The following SMAP1 variants were observed in gnomAD, a reference collection of about 807,000 sequenced individuals.
SMAP1 encodes the protein small ArfGAP 1, also known as stromal membrane-associated protein 1.
In SMAP1, 24 loss-of-function variants were observed where a neutral mutation model predicts 58.5. The ratio of observed to expected loss-of-function variants is 0.41; its 90% confidence interval spans 0.30 to 0.58. SMAP1 has a LOEUF of 0.58. Ranked by LOEUF, SMAP1 falls within the 20% of genes least tolerant of loss-of-function variation. The pLI, the probability that SMAP1 is intolerant of heterozygous loss-of-function variation, is 0.29. For missense variants in SMAP1, 563 were observed against 566.3 expected (o/e 0.99, Z 0.06); for synonymous variants, 216 against 196.6 (o/e 1.10, Z -0.82).
intron 1 of SMAP1, among the ~76,000 whole-genome samples, chr6:70,674,054 T>G (rs1487913755): frequency 6.6e-6 from 1 of 152,142 alleles, no homozygotes; most frequent in Non-Finnish European, 1.5e-5. Flanking sequence ...ATGCTCTCTT[T>G]AAGGCAAAGT....
At chr6:70,838,148 TA>T (rs1770671045) in intron 7 of SMAP1, among the ~76,000 whole-genome samples, 1 of 152,176 alleles carries the variant, frequency 6.6e-6, no homozygotes. Context: ...GAAAAGAAAT[TA>T]TTATTAAAGT....
Position 70,806,500 on chromosome 6 carries a change from G to A in SMAP1, c.576+7763G>A, listed in dbSNP as rs116890355. 3.7e-4 allele frequency among the ~76,000 whole-genome samples: 57 copies of A among 152,220 alleles called. No individual in the cohort carries two copies. In the East Asian group the frequency reaches 0.01, roughly 27 times the overall value. On this transcript the variant is annotated intron_variant, in intron 6 of 10. Coordinates refer to ENST00000370455, the MANE Select transcript of SMAP1 (RefSeq NM_001044305.3). Reference sequence around the variant, plus strand: ...CCCGCCCTCCTTCAGCTCACCCTCCGTGGGCTGCACCCACTATCCAACCAG... The same window carrying A: ...CCCGCCCTCCTTCAGCTCACCCTCCATGGGCTGCACCCACTATCCAACCAG...
chr6:70,797,382 T>C (rs1768648390), intron 5 of SMAP1, among the ~76,000 whole-genome samples: 2 of 152,112 alleles, frequency 1.3e-5, no homozygotes, highest in South Asian at 4.1e-4. Flanking sequence ...GTAATGAATA[T>C]TGAAACTCAA....
At chr6:70,785,230 A>G (rs989372117) in intron 4 of SMAP1, among the ~76,000 whole-genome samples, 4 of 152,222 alleles carry the variant, frequency 2.6e-5, no homozygotes, top group Admixed American at 2.0e-4. Context: ...ATGAAGGCAT[A>G]AATAAAGATG....
chr6:70,693,239 A>G (rs1767250146), intron 1 of SMAP1, among the ~76,000 whole-genome samples: 1 of 147,912 alleles, frequency 6.8e-6, no homozygotes, highest in Non-Finnish European at 1.5e-5. Flanking sequence ...TGCCTGGACT[A>G]TTCTGGGTCT....
At chr6:70,702,884 G>C (rs1767691890) in intron 1 of SMAP1, among the ~76,000 whole-genome samples, 1 of 151,976 alleles carries the variant, frequency 6.6e-6, no homozygotes, top group African/African-American at 2.4e-5. Flanking sequence ...CACCTGCTTT[G>C]GCCTTCCAAA....
chr6:70,855,733 C>G (rs1771388977), intron 8 of SMAP1, among the ~76,000 whole-genome samples: 1 of 152,196 alleles, frequency 6.6e-6, no homozygotes, highest in Non-Finnish European at 1.5e-5. Context: ...GGGGCAGGCT[C>G]TAGTCCTGGC....
chr6:70,672,723 G>A (rs1766319595), intron 1 of SMAP1, among the ~76,000 whole-genome samples: 1 of 152,104 alleles, frequency 6.6e-6, no homozygotes. Context: ...GCAGGCAGCA[G>A]GGTGTGTGAA....
At chr6:70,828,960 C>T (rs1158606645) in intron 6 of SMAP1, among the ~76,000 whole-genome samples, 1 of 152,174 alleles carries the variant, frequency 6.6e-6, no homozygotes, top group East Asian at 1.9e-4. Context: ...GTAGAAGGAT[C>T]ACCTGAGCCC....
chr6:70,695,710 G>A (rs76894831), intron 1 of SMAP1, among the ~76,000 whole-genome samples: 3,633 of 152,090 alleles, frequency 0.024, 172 homozygotes, highest in African/African-American at 0.084. Context: ...GGATTTTTGC[G>A]CCAGTGTTCA....
intron 6 of SMAP1, among the ~76,000 whole-genome samples, chr6:70,807,494 T>C (rs1769186856): frequency 6.6e-6 from 1 of 152,262 alleles, no homozygotes; most frequent in East Asian, 1.9e-4. Context: ...TCACTTAGTT[T>C]AGATTTATGT....
chr6:70,668,799 C>T (rs1766146713), intron 1 of SMAP1: 1 of 1,447,328 alleles, frequency 6.9e-7, no homozygotes. Flanking sequence ...GGTTATTAGC[C>T]AGAATGAAGA....
At chr6:70,826,759 C>G (rs1418585041) in intron 6 of SMAP1, among the ~76,000 whole-genome samples, 2 of 151,462 alleles carry the variant, frequency 1.3e-5, no homozygotes, top group Admixed American at 1.3e-4. Flanking sequence ...CTGTCTCAAA[C>G]CCCAACAAAA....
At position 70,759,724 on chromosome 6, in the gene SMAP1, T is replaced by C. The variant is rs540703788; in HGVS notation, c.338+4659T>C. ...ATTAGTTCTGTTATCTTGGCTGATA[T>C]ATTTTAAAATATTTGGTCCTTTTCT... is the stretch of plus-strand genomic sequence containing the variant. On this transcript the variant is annotated intron_variant, in intron 3 of 10. Coordinates refer to ENST00000370455, the MANE Select transcript of SMAP1 (RefSeq NM_001044305.3). 112 of 264,384 alleles carry C rather than the reference T, an allele frequency of 4.2e-4. 3 individuals are homozygous for C. Among genetic ancestry groups the C allele is most frequent in the South Asian group, 4.1e-3 (104 of 25,436 alleles). The allele number at this position is 264,384 out of a possible 1,614,324, so 16.4% of individuals were successfully genotyped here. A position where few individuals can be genotyped will look rare whatever the true frequency, so the allele number is the denominator to read the frequency against.
Position 70,755,081 on chromosome 6 carries a change from T to A in SMAP1, c.338+16T>A. On this transcript the variant is annotated intron_variant, in intron 3 of 10. Transcript: ENST00000370455. ...AGACAGATCAGTATCCTTTAAAACT[T>A]ATTTGTTTTGAGTTTAAAAAACATT... is the stretch of plus-strand genomic sequence containing the variant. The A allele has an allele frequency of 6.3e-7, 1 of 1,577,712 alleles. No individual in the cohort carries two copies. The highest frequency in any genetic ancestry group is 8.6e-7 in the Non-Finnish European group (1 of 1,156,286).
At chr6:70,779,073 T>A (rs1373585837) in intron 4 of SMAP1, among the ~76,000 whole-genome samples, 2 of 152,238 alleles carry the variant, frequency 1.3e-5, no homozygotes, top group African/African-American at 4.8e-5. Context: ...GCAGGGTCAC[T>A]GTCTGTGGTG....
chr6:70,748,501 T>C (rs1477803047), intron 2 of SMAP1, among the ~76,000 whole-genome samples: 3 of 152,140 alleles, frequency 2.0e-5, no homozygotes, highest in Non-Finnish European at 4.4e-5. Context: ...GCTTTGAATG[T>C]ATTTTGAGTG....
intron 6 of SMAP1, among the ~76,000 whole-genome samples, chr6:70,832,336 G>A (rs981258848): frequency 1.3e-5 from 2 of 152,040 alleles, no homozygotes; most frequent in African/African-American, 4.8e-5. Context: ...GATAGGCTTT[G>A]CCCACCTTGA....
chr6:70,777,814 G>A (rs943425134), intron 4 of SMAP1, among the ~76,000 whole-genome samples: 9 of 151,260 alleles, frequency 6.0e-5, no homozygotes, highest in African/African-American at 2.2e-4. Context: ...GTGTAATGGT[G>A]CAATCTCAGC....
Sources: gnomAD v4.1 joint callset for allele counts (sites outside exome capture counted in the v4.1 genomes callset) on GRCh38, gnomAD v4.1.1 for gene constraint, MANE v1.5 for transcripts, NCBI Gene and HGNC (gene_info 2026-07-23, HGNC 2026-07-21) for gene names.